Variants in GRAMD1B observed in about 807,000 individuals in gnomAD.
The protein encoded by GRAMD1B is protein Aster-B.
Under a neutral mutation model 99.7 loss-of-function variants are expected in GRAMD1B, and 37 were observed. The ratio of observed to expected loss-of-function variants is 0.37; its 90% CI spans 0.29 to 0.49. The LOEUF (loss-of-function observed/expected upper bound fraction) is 0.49, where lower values mean the gene tolerates loss of function less well. Ranked by LOEUF, GRAMD1B falls within the 20% of genes least tolerant of loss-of-function variation. The pLI is 0.98. For synonymous variants in GRAMD1B, 427 were observed against 387.6 expected (o/e 1.10, Z -1.19); for missense variants, 888 against 1,009.2 (o/e 0.88, Z 1.63).
At chr11:123,608,574 G>T (rs1458563281) in intron 11 of GRAMD1B, 85 bp from the exon 12 acceptor site, 4 of 1,550,598 alleles carry the variant, frequency 2.6e-6, no homozygotes, top group Non-Finnish European at 3.5e-6. Context: ...ATTAGCCAGA[G>T]ACCTAAGTGC....
intron 1 of GRAMD1B, among the ~76,000 whole-genome samples, chr11:123,370,043 G>T (rs1946469686): frequency 6.6e-6 from 1 of 152,076 alleles, no homozygotes; most frequent in African/African-American, 2.4e-5. Context: ...GGCCGGGCAT[G>T]ATGGCTCATG....
At chr11:123,368,258 CAAAAAAAAAA>C (rs1024340450) in intron 1 of GRAMD1B, among the ~76,000 whole-genome samples, 1 of 88,306 alleles carries the variant, frequency 1.1e-5, no homozygotes, top group Non-Finnish European at 2.4e-5. Flanking sequence ...CATCTTAAAA[CAAAAAAAAAA>C]AAAAAAAAAA....
At chr11:123,565,290 C>T (rs577648893) in intron 2 of GRAMD1B, among the ~76,000 whole-genome samples, 4 of 151,640 alleles carry the variant, frequency 2.6e-5, no homozygotes, top group Admixed American at 6.6e-5. Context: ...CTTCCCACCT[C>T]GGCCTCCCGA....
chr11:123,504,804 C>T (rs547990729), intron 2 of GRAMD1B, among the ~76,000 whole-genome samples: 1 of 152,194 alleles, frequency 6.6e-6, no homozygotes, highest in Non-Finnish European at 1.5e-5. Flanking sequence ...ACCTCAGCCT[C>T]CCAAGTAGCT....
At position 123,622,558 on chromosome 11, in the gene GRAMD1B, C is replaced by G. The variant is rs368223750; in HGVS notation, c.2597C>G (p.Thr866Arg). Residue 866 changes from threonine (T) to arginine (R), a missense_variant, in exon 20 of 20, where the codon ACG (threonine) becomes AGG (arginine). Thr to Arg is a moderately conservative substitution (Grantham distance 71). Coordinates refer to ENST00000635736, the MANE Select transcript of GRAMD1B (RefSeq NM_001387025.1). Reference sequence around the variant, plus strand: ...AACGGCATCAGGTCCCGCGACTACACGTCGGAAAGTGAAGAAAAGAGGAAT... The same window carrying G: ...AACGGCATCAGGTCCCGCGACTACAGGTCGGAAAGTGAAGAAAAGAGGAAT... ...LQNGIRSRDY[T>R]SESEEKRNRY... The G allele has an allele frequency of 4.4e-4, 685 of 1,557,758 alleles. 1 individual carries two copies. The Middle Eastern group carries it at 0.013, about 29-fold the overall frequency.
At chr11:123,595,483 G>C (rs1293602226) in intron 6 of GRAMD1B, among the ~76,000 whole-genome samples, 2 of 151,908 alleles carry the variant, frequency 1.3e-5, no homozygotes, top group Admixed American at 1.3e-4. Context: ...AAGTAGAGAC[G>C]GGGTTTCTCC....
At chr11:123,412,562 A>G (rs1239682552) in intron 1 of GRAMD1B, among the ~76,000 whole-genome samples, 1 of 152,100 alleles carries the variant, frequency 6.6e-6, no homozygotes, top group Non-Finnish European at 1.5e-5. Context: ...CCTCCAAACT[A>G]CAACACTCTT....
At position 123,618,697 on chromosome 11, in the gene GRAMD1B, G is replaced by C. The variant is rs1443449023; in HGVS notation, c.2323G>C (p.Val775Leu). The C allele has an allele frequency of 1.9e-6, 3 of 1,557,024 alleles. No individual in the cohort carries two copies. The highest frequency in any genetic ancestry group is 1.7e-4 in the Middle Eastern group (1 of 5,984). Residue 775 changes from valine to leucine, a missense_variant, in exon 18 of 20, where the codon GTG becomes CTG. Physicochemically the swap from Val to Leu is conservative, Grantham distance 32. Around this residue, in one of 5 missense-constraint regions of GRAMD1B, gnomAD observed 232 missense variants for 261.7 expected, o/e 0.89. Coordinates refer to ENST00000635736, the MANE Select transcript of GRAMD1B (RefSeq NM_001387025.1). ...TTCCCCACGTCTCCTTCCTAGTCTG[G>C]TGCTGCTGGTCATCCTTAACATGAT... ...KLLLVISCVL[V>L]LLVILNMMLF...
At chr11:123,435,206 T>G (rs1342766976) in intron 1 of GRAMD1B, among the ~76,000 whole-genome samples, 1 of 152,146 alleles carries the variant, frequency 6.6e-6, no homozygotes, top group African/African-American at 2.4e-5. Context: ...TTAGGGAGGA[T>G]TAGCATACCA....
At chr11:123,576,776 C>A (rs1260357576) in intron 2 of GRAMD1B, among the ~76,000 whole-genome samples, 1 of 152,164 alleles carries the variant, frequency 6.6e-6, no homozygotes, top group African/African-American at 2.4e-5. Flanking sequence ...TTGTTTCTCT[C>A]AACAGTGGGC....
intron 17 of GRAMD1B, among the ~76,000 whole-genome samples, chr11:123,617,490 A>G (rs929719295): frequency 3.9e-5 from 6 of 152,080 alleles, no homozygotes; most frequent in African/African-American, 1.4e-4. Flanking sequence ...TGCCCAGCCT[A>G]TCTTCTCATT....
At chr11:123,527,508 C>T (rs1942915860) in intron 2 of GRAMD1B, among the ~76,000 whole-genome samples, 1 of 152,198 alleles carries the variant, frequency 6.6e-6, no homozygotes, top group Non-Finnish European at 1.5e-5. Context: ...TTCTTTTCCT[C>T]AAGCTTTGCT....
chr11:123,569,728 T>C (rs189319950), intron 2 of GRAMD1B, among the ~76,000 whole-genome samples: 2 of 152,326 alleles, frequency 1.3e-5, no homozygotes, highest in East Asian at 3.9e-4. Flanking sequence ...TGAGAAAGAT[T>C]ATTAATGAAA....
upstream of GRAMD1B, among the ~76,000 whole-genome samples, chr11:123,425,324 G>A (rs1005116543): frequency 6.6e-6 from 1 of 152,134 alleles, no homozygotes; most frequent in African/African-American, 2.4e-5. Flanking sequence ...GCTTTCCTTG[G>A]GATGGGCAGC....
At chr11:123,567,322 C>A (rs1784359) in intron 2 of GRAMD1B, among the ~76,000 whole-genome samples, 80,205 of 151,994 alleles carry the variant, frequency 0.53, 21,460 homozygotes, top group East Asian at 0.71. Flanking sequence ...GGATATGAAC[C>A]TTTTCCCCAG....
At position 123,587,621 on chromosome 11, in the gene GRAMD1B, C is replaced by G. The variant is rs977456766; in HGVS notation, c.684+3289C>G. Among the ~76,000 whole-genome samples, 1 of 152,182 alleles carries G rather than the reference C, an allele frequency of 6.6e-6. No homozygotes were observed. Among genetic ancestry groups the G allele is most frequent in the Non-Finnish European group, 1.5e-5 (1 of 68,034 alleles). On this transcript the variant is annotated intron_variant, in intron 4 of 19. Coordinates refer to ENST00000635736, the MANE Select transcript of GRAMD1B (RefSeq NM_001387025.1). The surrounding 1 kb of genome is among the most constrained non-coding windows in gnomAD (Gnocchi z 4.2). ...GCGCATTCCTGCGGGCAGTCTTCTC[C>G]ATGGCAGCCCCAGAAGGAGCATTTC...
intron 1 of GRAMD1B, among the ~76,000 whole-genome samples, chr11:123,462,183 G>A (rs1050168883): frequency 6.6e-6 from 1 of 150,894 alleles, no homozygotes; most frequent in Non-Finnish European, 1.5e-5. Flanking sequence ...TAGCCAGGAT[G>A]GTCTCGATCT....
At chr11:123,572,334 TC>T (rs1219318621) in intron 2 of GRAMD1B, among the ~76,000 whole-genome samples, 2 of 152,234 alleles carry the variant, frequency 1.3e-5, no homozygotes, top group Non-Finnish European at 2.9e-5. Flanking sequence ...TATAATGCAA[TC>T]CTGTTATTAA....
At chr11:123,431,957 C>G (rs1211452741) in intron 1 of GRAMD1B, 1 of 397,468 alleles carries the variant, frequency 2.5e-6, no homozygotes, top group Admixed American at 4.4e-5. Context: ...TGGTGGAGGG[C>G]AGGGAGTCCT....
Sources: allele counts gnomAD v4.1 joint callset (sites outside exome capture counted in the v4.1 genomes callset), GRCh38; gene constraint gnomAD v4.1.1; regional missense constraint gnomAD v4.1.1; non-coding constraint Gnocchi (gnomAD v3.1); transcripts MANE v1.5; gene names NCBI Gene and HGNC (gene_info 2026-07-23, HGNC 2026-07-21).